Variants in KCNQ1 observed in about 807,000 individuals in gnomAD.
The protein encoded by KCNQ1 is potassium voltage-gated channel subfamily Q member 1, also known as potassium voltage-gated channel subfamily KQT member 1.
In KCNQ1, 49 loss-of-function variants were observed where a neutral mutation model predicts 72.4. That is an observed-to-expected ratio of 0.68 (90% CI 0.54 to 0.86). KCNQ1 has a LOEUF of 0.86. Ranked by LOEUF, KCNQ1 falls within the 40% of genes least tolerant of loss-of-function variation. The probability of loss-of-function intolerance (pLI) is 0.00; values close to 1 mark genes in which losing one functional copy is unlikely to be tolerated. For synonymous variants in KCNQ1, 450 were observed against 412.6 expected (o/e 1.09, Z -1.10); for missense variants, 790 against 945.1 (o/e 0.84, Z 2.15).
chr11:2,446,131 A>C lies in KCNQ1; in HGVS notation c.386+647A>C, dbSNP rs1050388791. On this transcript the variant is annotated intron_variant, in intron 1 of 15. Coordinates refer to ENST00000155840, the MANE Select transcript of KCNQ1 (RefSeq NM_000218.3). The surrounding 1 kb of genome is among the most constrained non-coding windows in gnomAD (Gnocchi z 8.8). ...TAAGAGGCAGCTGTGCTCCCGGAGA[A>C]AGCAGCGCTGGTAGCAGAGGCACCT... Among the ~76,000 whole-genome samples, 2 of 152,328 alleles carry C rather than the reference A, an allele frequency of 1.3e-5. No homozygotes were observed. Among genetic ancestry groups the C allele is most frequent in the Non-Finnish European group, 2.9e-5 (2 of 68,016 alleles).
rs1391224442 is a variant in KCNQ1, at chr11:2,458,683, G to GGATGGATGGATC, written c.386+13202_386+13203insGGATGGATCGAT. ...TGGATGGATGGATGGATGGATGGAT[G>GGATGGATGGATC]GATCGATCGATCTCACCAAGCCTCG... is the stretch of plus-strand genomic sequence containing the variant. On this transcript the variant is annotated intron_variant, in intron 1 of 15. Transcript: ENST00000155840. The surrounding 1 kb of genome is among the most constrained non-coding windows in gnomAD (Gnocchi z 4.6). 5.5e-5 allele frequency among the ~76,000 whole-genome samples: 7 copies of GGATGGATGGATC among 127,288 alleles called. No homozygotes were observed. Among genetic ancestry groups the GGATGGATGGATC allele is most frequent in the African/African-American group, 1.6e-4 (5 of 31,170 alleles). The allele number at this position is 127,288 out of a possible 152,430, so 83.5% of individuals were successfully genotyped here. A position where few individuals can be genotyped will look rare whatever the true frequency, so the allele number is the denominator to read the frequency against.
rs373361938 is a variant in KCNQ1 at position 2,588,611 on chromosome 11, C to G, written c.1252-102C>G. On this transcript the variant is annotated intron_variant, in intron 9 of 15. Coordinates refer to ENST00000155840, the MANE Select transcript of KCNQ1 (RefSeq NM_000218.3). The surrounding 1 kb of genome is among the most constrained non-coding windows in gnomAD (Gnocchi z 5.6). Reference sequence around the variant, plus strand: ...CAGGTCCCTGTCCGGGTGTATGTGGCGGGGGCTGGGCTCGGGGCGGCTGCA... The same window carrying G: ...CAGGTCCCTGTCCGGGTGTATGTGGGGGGGGCTGGGCTCGGGGCGGCTGCA... The G allele has an allele frequency of 6.0e-5, 85 of 1,426,338 alleles. No individual in the cohort carries two copies. In the African/African-American group the frequency reaches 9.8e-4, roughly 16 times the overall value. 88.4% of individuals were successfully genotyped at this position (1,426,338 alleles called of 1,614,324 possible).
chr11:2,597,516 G>A (rs1038713341), intron 10 of KCNQ1, among the ~76,000 whole-genome samples: 2 of 152,084 alleles, frequency 1.3e-5, no homozygotes, highest in African/African-American at 4.8e-5. Flanking sequence ...ACTGATGCAG[G>A]ACATCCCTGA....
At position 2,715,836 on chromosome 11, in the gene KCNQ1, G is replaced by A. The variant is rs908493015; in HGVS notation, c.1515-53008G>A. On this transcript the variant is annotated intron_variant, in intron 11 of 15. Transcript: ENST00000155840. This position sits in a 1 kb window ranked among gnomAD's most constrained non-coding sequence, Gnocchi z 4.9. ...CCCGCAGCCTTGCGCTGGTCTAAAT[G>A]CCTCCCAGCCTCCTGAGGTTGAGGG... 4.6e-5 allele frequency among the ~76,000 whole-genome samples: 7 copies of A among 152,334 alleles called. No individual in the cohort carries two copies. The highest frequency in any genetic ancestry group is 1.3e-4 in the Admixed American group (2 of 15,302).
Position 2,830,627 on chromosome 11 carries a change from C to T in KCNQ1, c.1795-17140C>T, listed in dbSNP as rs1199734544. Reference sequence around the variant, plus strand: ...CAGCCTGGGCCAGGCAGGCTGGGGGCCAGCCCAGGACCTCCTTCCTGGGTG... The same window carrying T: ...CAGCCTGGGCCAGGCAGGCTGGGGGTCAGCCCAGGACCTCCTTCCTGGGTG... On this transcript the variant is annotated intron_variant, in intron 15 of 15. Transcript: ENST00000155840. This position sits in a 1 kb window ranked among gnomAD's most constrained non-coding sequence, Gnocchi z 7.7. Among the ~76,000 whole-genome samples the T allele has an allele frequency of 8.5e-5, 13 of 152,234 alleles. No homozygotes were observed. Among genetic ancestry groups the T allele is most frequent in the Admixed American group, 8.5e-4 (13 of 15,302 alleles).
At chr11:2,649,837 C>T in intron 10 of KCNQ1, 1 of 398,492 alleles carries the variant, frequency 2.5e-6, no homozygotes, top group East Asian at 3.6e-5. Context: ...GTCTCTTTCT[C>T]TCCCAAACTT....
chr11:2,585,329 G>T, intron 8 of KCNQ1, 22 bp downstream of exon 8: 5 of 1,603,526 alleles, frequency 3.1e-6, no homozygotes, highest in South Asian at 1.1e-5. Flanking sequence ...GCAAGGCCCT[G>T]GTCACTGTCA....
intron 11 of KCNQ1, among the ~76,000 whole-genome samples, chr11:2,729,338 A>G (rs1201747992): frequency 6.6e-6 from 1 of 152,246 alleles, no homozygotes; most frequent in Non-Finnish European, 1.5e-5. Context: ...AAGTCCCCAC[A>G]TTGTAGCACT....
At chr11:2,580,916 C>T (rs1848489812) in intron 6 of KCNQ1, among the ~76,000 whole-genome samples, 1 of 152,210 alleles carries the variant, frequency 6.6e-6, no homozygotes, top group South Asian at 2.1e-4. Flanking sequence ...TGAGAGGGGC[C>T]CTTCTGCAGA....
rs1000969310 is a variant in KCNQ1, at chr11:2,762,912, G to C, written c.1515-5932G>C. ...TCCGTCAGACCCCCACTGTTCATCT[G>C]TCTGCCCACACGCTCTTAATCAAGC... On this transcript the variant is annotated intron_variant, in intron 11 of 15. Coordinates refer to ENST00000155840, the MANE Select transcript of KCNQ1 (RefSeq NM_000218.3). This position sits in a 1 kb window ranked among gnomAD's most constrained non-coding sequence, Gnocchi z 4.3. Among the ~76,000 whole-genome samples the C allele has an allele frequency of 1.3e-5, 2 of 151,814 alleles. No homozygotes were observed. Among genetic ancestry groups the C allele is most frequent in the African/African-American group, 2.4e-5 (1 of 41,268 alleles).
At chr11:2,794,657 G>A (rs1330549769) in intron 15 of KCNQ1, among the ~76,000 whole-genome samples, 3 of 151,122 alleles carry the variant, frequency 2.0e-5, no homozygotes, top group Non-Finnish European at 2.9e-5. Context: ...AGGGGCGTCA[G>A]GGAGTACACC....
intron 6 of KCNQ1, among the ~76,000 whole-genome samples, chr11:2,577,228 C>G (rs1031215291): frequency 6.6e-6 from 1 of 152,220 alleles, no homozygotes; most frequent in African/African-American, 2.4e-5. Flanking sequence ...GCAGCCCTGT[C>G]TTGCTCTCTC....
rs1847774446 is a variant in KCNQ1, at chr11:2,538,649, C to A, written c.477+10631C>A. Among the ~76,000 whole-genome samples, 2 of 151,960 alleles carry A rather than the reference C, an allele frequency of 1.3e-5. No homozygotes were observed. Among genetic ancestry groups the A allele is most frequent in the African/African-American group, 4.8e-5 (2 of 41,348 alleles). Reference sequence around the variant, plus strand: ...AGTACATAGGAATCCTGGGCTGGAACCGGAAACTTCCCTGAGTATACGGGG... The same window carrying A: ...AGTACATAGGAATCCTGGGCTGGAAACGGAAACTTCCCTGAGTATACGGGG... On this transcript the variant is annotated intron_variant, in intron 2 of 15. Coordinates refer to ENST00000155840, the MANE Select transcript of KCNQ1 (RefSeq NM_000218.3). This position sits in a 1 kb window ranked among gnomAD's most constrained non-coding sequence, Gnocchi z 6.7.
chr11:2,558,496 G>A (rs1848104954), intron 2 of KCNQ1, among the ~76,000 whole-genome samples: 1 of 152,198 alleles, frequency 6.6e-6, no homozygotes, highest in Non-Finnish European at 1.5e-5. Flanking sequence ...AGACTAGATG[G>A]GCCAGCCTGT....
rs529542184 is a variant in KCNQ1 at position 2,775,389 on chromosome 11, C to A, written c.1591-571C>A. On this transcript the variant is annotated intron_variant, in intron 12 of 15. Coordinates refer to ENST00000155840, the MANE Select transcript of KCNQ1 (RefSeq NM_000218.3). ...TGGGAGCCCAAGCAGATGCTCGTCA[C>A]CCACAGCAAGTGCTGCAGGCTAAGG... 4.6e-5 allele frequency among the ~76,000 whole-genome samples: 7 copies of A among 152,378 alleles called. No homozygotes were observed. In the South Asian group the frequency reaches 1.2e-3, roughly 27 times the overall value.
chr11:2,479,511 A>C lies in KCNQ1; in HGVS notation c.386+34027A>C, dbSNP rs529291376. Among the ~76,000 whole-genome samples the C allele has an allele frequency of 5.6e-4, 86 of 152,354 alleles. 1 individual carries two copies. The highest frequency in any genetic ancestry group is 1.9e-3 in the African/African-American group (77 of 41,598). ...TTGCACCCTCTGAAGCCACAGCCCA[A>C]GCTGTACCTTGACACCTTTTAGCTA... is the stretch of plus-strand genomic sequence containing the variant. On this transcript the variant is annotated intron_variant, in intron 1 of 15. Coordinates refer to ENST00000155840, the MANE Select transcript of KCNQ1 (RefSeq NM_000218.3). This position sits in a 1 kb window ranked among gnomAD's most constrained non-coding sequence, Gnocchi z 4.6.
intron 2 of KCNQ1, among the ~76,000 whole-genome samples, chr11:2,534,563 G>T (rs1036216514): frequency 1.3e-5 from 2 of 152,198 alleles, no homozygotes; most frequent in Non-Finnish European, 2.9e-5. Flanking sequence ...GCCCCGTCCT[G>T]CACACTTGCT....
In KCNQ1 at chr11:2,664,641, C is replaced by T; in HGVS notation, c.1514+2560C>T. ...GTGATGCCCATAATTAAATTCGGCTCCAGCTGCTCAGGGATGCAGCGAAGC... is the reference window on the plus strand; with the variant it reads ...GTGATGCCCATAATTAAATTCGGCTTCAGCTGCTCAGGGATGCAGCGAAGC... On this transcript the variant is annotated intron_variant, in intron 11 of 15. Transcript: ENST00000155840. This position sits in a 1 kb window ranked among gnomAD's most constrained non-coding sequence, Gnocchi z 5.1. 1 of 398,756 alleles carries T rather than the reference C, an allele frequency of 2.5e-6. No individual in the cohort carries two copies. The highest frequency in any genetic ancestry group is 4.4e-6 in the Non-Finnish European group (1 of 226,176). The allele number at this position is 398,756 out of a possible 1,614,324, so 24.7% of individuals were successfully genotyped here. A position where few individuals can be genotyped will look rare whatever the true frequency, so the allele number is the denominator to read the frequency against.
intron 10 of KCNQ1, chr11:2,656,661 G>A (rs1039982001): frequency 5.0e-6 from 2 of 397,826 alleles, no homozygotes; most frequent in Non-Finnish European, 8.9e-6. Context: ...GGAGTCCTTT[G>A]CATTTTGTGG....
Sources: allele counts gnomAD v4.1 joint callset (sites outside exome capture counted in the v4.1 genomes callset), GRCh38; gene constraint gnomAD v4.1.1; non-coding constraint Gnocchi (gnomAD v3.1); transcripts MANE v1.5; gene names NCBI Gene and HGNC (gene_info 2026-07-23, HGNC 2026-07-21).